The following TAS2R1 variants were observed in gnomAD, a reference collection of about 807,000 sequenced individuals.
TAS2R1 encodes the protein taste 2 receptor member 1.
For missense variants in TAS2R1, 370 were observed against 353.4 expected (o/e 1.05, Z -0.38); for synonymous variants, 141 against 134.2 (o/e 1.05, Z -0.35).
chr5:9,790,798 T>A, the TAS2R1 span, among the ~76,000 whole-genome samples: 3 of 152,180 alleles, frequency 2.0e-5, no homozygotes, highest in Admixed American at 2.0e-4. Context: ...CTGGCTAATT[T>A]TTTTTTGTAT....
intron 1 of TAS2R1, among the ~76,000 whole-genome samples, chr5:9,682,562 G>A (rs571424798): frequency 6.6e-6 from 1 of 152,148 alleles, no homozygotes; most frequent in African/African-American, 2.4e-5. Context: ...GCACCCAGTG[G>A]GAAATTCAGA....
chr5:9,674,366 A>C (rs1175834939), intron 1 of TAS2R1, among the ~76,000 whole-genome samples: 1 of 152,202 alleles, frequency 6.6e-6, no homozygotes, highest in African/African-American at 2.4e-5. Flanking sequence ...AAATAAGTAC[A>C]TCCCACATGG....
the TAS2R1 span, among the ~76,000 whole-genome samples, chr5:9,841,203 C>A: frequency 5.8e-3 from 885 of 152,218 alleles, 4 homozygotes; most frequent in African/African-American, 0.018. Context: ...TTTGTTTTTG[C>A]AAGCTTACTT....
the TAS2R1 span, among the ~76,000 whole-genome samples, chr5:9,900,709 G>C: frequency 1.4e-5 from 2 of 146,556 alleles, no homozygotes; most frequent in South Asian, 4.3e-4. Flanking sequence ...CAAGCTCCGC[G>C]TCCCGGGTTC....
At chr5:9,637,005 T>A (rs1739976525) in intron 2 of TAS2R1, among the ~76,000 whole-genome samples, 1 of 152,078 alleles carries the variant, frequency 6.6e-6, no homozygotes, top group African/African-American at 2.4e-5. Flanking sequence ...TTCCATTGTG[T>A]TATTATTTTA....
At chr5:9,683,521 C>A (rs1348025549) in intron 1 of TAS2R1, among the ~76,000 whole-genome samples, 1 of 152,166 alleles carries the variant, frequency 6.6e-6, no homozygotes, top group African/African-American at 2.4e-5. Context: ...AGCAGACATG[C>A]AAGGCTTGTT....
At chr5:9,632,267 C>T (rs1739885698), upstream of TAS2R1, among the ~76,000 whole-genome samples, 1 of 152,160 alleles carries the variant, frequency 6.6e-6, no homozygotes, top group Non-Finnish European at 1.5e-5. Flanking sequence ...GATATACATA[C>T]TTTAATTGAA....
At chr5:9,770,170 C>T in the TAS2R1 span, among the ~76,000 whole-genome samples, 1 of 151,976 alleles carries the variant, frequency 6.6e-6, no homozygotes. Context: ...AGAGATTATC[C>T]TTTCACCAAT....
chr5:9,687,114 G>A (rs1019065419), intron 1 of TAS2R1, among the ~76,000 whole-genome samples: 14 of 152,036 alleles, frequency 9.2e-5, no homozygotes, highest in Admixed American at 3.9e-4. Context: ...ACAGGCATGC[G>A]CCACCATGCC....
chr5:9,885,052 A>C, the TAS2R1 span, among the ~76,000 whole-genome samples: 47 of 152,202 alleles, frequency 3.1e-4, 1 homozygote, highest in African/African-American at 1.1e-3. Context: ...TAACTCTTTC[A>C]ATCTGCACAG....
At chr5:9,894,782 T>C in the TAS2R1 span, among the ~76,000 whole-genome samples, 1 of 152,258 alleles carries the variant, frequency 6.6e-6, no homozygotes, top group Non-Finnish European at 1.5e-5. Flanking sequence ...GGGGCCCCTT[T>C]GCAGGTGAAA....
chr5:9,790,293 C>T, the TAS2R1 span, among the ~76,000 whole-genome samples: 1 of 152,132 alleles, frequency 6.6e-6, no homozygotes, highest in African/African-American at 2.4e-5. Flanking sequence ...GTTTTCATGC[C>T]TTTTTGTGTA....
the TAS2R1 span, among the ~76,000 whole-genome samples, chr5:9,753,400 G>GT: frequency 5.3e-5 from 8 of 152,000 alleles, no homozygotes; most frequent in African/African-American, 1.7e-4. Context: ...GGGGTTGTTT[G>GT]TTTTTTTCTT....
At chr5:9,678,652 G>A (rs1740926952) in intron 1 of TAS2R1, among the ~76,000 whole-genome samples, 1 of 152,156 alleles carries the variant, frequency 6.6e-6, no homozygotes, top group East Asian at 1.9e-4. Flanking sequence ...GGACCTGGAA[G>A]CTGTTATCCT....
chr5:9,706,244 T>C (rs1250899676), intron 1 of TAS2R1, among the ~76,000 whole-genome samples: 3 of 152,030 alleles, frequency 2.0e-5, no homozygotes, highest in Non-Finnish European at 4.4e-5. Context: ...TTTTCAGGAG[T>C]GTTGAGGCTA....
chr5:9,782,763 A>C, the TAS2R1 span, among the ~76,000 whole-genome samples: 1 of 152,122 alleles, frequency 6.6e-6, no homozygotes, highest in Non-Finnish European at 1.5e-5. Flanking sequence ...AAAGGGACTA[A>C]ATGTTGCCTT....
the TAS2R1 span, among the ~76,000 whole-genome samples, chr5:9,768,940 G>A: frequency 6.6e-6 from 1 of 151,958 alleles, no homozygotes; most frequent in Admixed American, 6.5e-5. Context: ...TCCTCCTTTG[G>A]TTATTTCAAA....
In TAS2R1 at chr5:9,698,402, C is replaced by T. The variant is rs141112252; in HGVS notation, c.-242+13770G>A. On this transcript the variant is annotated intron_variant, in intron 1 of 2. Coordinates refer to the TAS2R1 transcript ENST00000506620. ...TACAGCAGTATCATAAAATAACTCG[C>T]GTGACATTCTCAAATGTTGTCAACA... Among the ~76,000 whole-genome samples the T allele has an allele frequency of 8.1e-3, 1,235 of 152,244 alleles. 22 individuals carry two copies. Among genetic ancestry groups the T allele is most frequent in the African/African-American group, 0.028 (1,181 of 41,528 alleles).
intron 2 of TAS2R1, among the ~76,000 whole-genome samples, chr5:9,648,338 C>T (rs1261999678): frequency 6.6e-6 from 1 of 151,970 alleles, no homozygotes; most frequent in East Asian, 1.9e-4. Flanking sequence ...ACTAAGAAAT[C>T]TGTTTTTATG....
Sources: gnomAD v4.1 joint callset for allele counts (sites outside exome capture counted in the v4.1 genomes callset) on GRCh38, gnomAD v4.1.1 for gene constraint, MANE v1.5 for transcripts, NCBI Gene and HGNC (gene_info 2026-07-23, HGNC 2026-07-21) for gene names.